Variants in ELF4 observed in about 807,000 individuals in gnomAD.
ELF4 encodes the protein ETS-related transcription factor Elf-4.
ELF4 carries 10 observed loss-of-function variants against 31.7 expected under a neutral mutation model. That is an observed-to-expected ratio of 0.32 (90% CI 0.19 to 0.54). The LOEUF (loss-of-function observed/expected upper bound fraction) is 0.54, where lower values mean the gene tolerates loss of function less well. Ranked by LOEUF, ELF4 falls within the 20% of genes least tolerant of loss-of-function variation. ELF4 has a pLI of 0.95. For synonymous variants in ELF4, 208 were observed against 226.7 expected (o/e 0.92, Z 0.74); for missense variants, 418 against 522.0 (o/e 0.80, Z 1.94).
intron 1 of ELF4, 91 bp from the exon 2 acceptor site, chrX:130,081,630 A>G (rs904997399): frequency 2.7e-6 from 1 of 364,091 alleles, no homozygotes; most frequent in Admixed American, 4.4e-5. Flanking sequence ...GGACCCTGCC[A>G]TGCTAAGGCA....
intron 1 of ELF4, among the ~76,000 whole-genome samples, chrX:130,104,635 G>A (rs2124634582): frequency 8.9e-6 from 1 of 112,203 alleles, no homozygotes; most frequent in South Asian, 3.7e-4. Flanking sequence ...CCTGTGAGAT[G>A]GGCGCTGACT....
chrX:130,101,697 G>A (rs753138985), intron 1 of ELF4, among the ~76,000 whole-genome samples: 1 of 110,512 alleles, frequency 9.0e-6, no homozygotes, highest in Non-Finnish European at 1.9e-5. Context: ...AGGTCGGGAG[G>A]CTGAGGCAGG....
chrX:130,072,280 C>T lies in ELF4; in HGVS notation c.478G>A (p.Glu160Lys). The T allele has an allele frequency of 8.2e-7, 1 of 1,212,329 alleles. No individual in the cohort carries two copies. ...GCACTTTCCTCTCTGGAGGCCTTCTCCTCCAGAGAATGCCCCTCCTGGTCA... is the reference window on the plus strand; with the variant it reads ...GCACTTTCCTCTCTGGAGGCCTTCTTCTCCAGAGAATGCCCCTCCTGGTCA... ...TSDQEGHSLE[E>K]KASREESAKK... The change falls in exon 5 of 9, where the codon GAG becomes AAG. Residue 160 changes from glutamate to lysine, a missense_variant. Transcript: ENST00000308167.
chrX:130,101,731 A>G (rs771882575), intron 1 of ELF4, among the ~76,000 whole-genome samples: 6 of 110,686 alleles, frequency 5.4e-5, no homozygotes, highest in South Asian at 3.8e-4. Context: ...CCCGGGAGGC[A>G]GAGGTTGCAG....
intron 1 of ELF4, among the ~76,000 whole-genome samples, chrX:130,106,665 TG>T (rs1339477414): frequency 1.8e-5 from 2 of 112,096 alleles, no homozygotes. Context: ...CTTTCTCCCC[TG>T]CAGAAGTAGT....
rs1569399898 is a variant in ELF4 at position 130,066,473 on chromosome X, CA to C, written c.*247del. ...CTGGCTCAAGGCTTTTTCCCTCCAT[CA>C]CCAAGTCAGCCCGTTATGCTGCCAA... On this transcript the variant is annotated 3_prime_UTR_variant, in exon 9 of 9. Coordinates refer to ENST00000308167, the MANE Select transcript of ELF4 (RefSeq NM_001421.4). 1.0e-5 allele frequency: 4 copies of C among 385,133 alleles called. No homozygotes were observed. Among genetic ancestry groups the C allele is most frequent in the Non-Finnish European group, 1.8e-5 (4 of 224,187 alleles). 31.7% of individuals were successfully genotyped at this position (385,133 alleles called of 1,213,427 possible).
intron 1 of ELF4, among the ~76,000 whole-genome samples, chrX:130,110,000 C>T (rs1304243199): frequency 8.9e-6 from 1 of 112,537 alleles, no homozygotes. Flanking sequence ...CCTCCTCTGC[C>T]CTCGGGCGCC....
At chrX:130,099,545 G>A (rs1933209711) in intron 1 of ELF4, among the ~76,000 whole-genome samples, 1 of 111,334 alleles carries the variant, frequency 9.0e-6, no homozygotes, top group African/African-American at 3.3e-5. Flanking sequence ...CTGCACTCTA[G>A]CCTGGGTGAC....
At chrX:130,101,841 C>A (rs1378507051) in intron 1 of ELF4, among the ~76,000 whole-genome samples, 1 of 103,664 alleles carries the variant, frequency 9.6e-6, no homozygotes, top group Non-Finnish European at 2.0e-5. Context: ...CAAAACAAAA[C>A]AAAAACAAGG....
chrX:130,069,288 G>C lies in ELF4; in HGVS notation c.1187+12C>G. The stretch of plus-strand genomic sequence containing the variant: ...ACTATGTGAAGACTCATGCTGACCT[G>C]GGTGCCCTTACCTCACAGCTTTGGT... On this transcript the variant is annotated intron_variant, in intron 8 of 8. Transcript: ENST00000308167. 1 of 1,211,568 alleles carries C rather than the reference G, an allele frequency of 8.3e-7. No individual in the cohort carries two copies. Among genetic ancestry groups the C allele is most frequent in the African/African-American group, 1.7e-5 (1 of 57,882 alleles).
At position 130,070,301 on chromosome X, in the gene ELF4, C is replaced by G. The variant is rs1032705531; in HGVS notation, c.810-624G>C. Among the ~76,000 whole-genome samples, 213 of 110,134 alleles carry G rather than the reference C, an allele frequency of 1.9e-3. 2 individuals are homozygous for G. Among genetic ancestry groups the G allele is most frequent in the African/African-American group, 6.6e-3 (200 of 30,297 alleles). On this transcript the variant is annotated intron_variant, in intron 7 of 8. Transcript: ENST00000308167. The stretch of plus-strand genomic sequence containing the variant: ...AAATACAAAAAATGAGGCCAGGCGC[C>G]GTGACTCACGCCTGTAATCCCAGTG...
rs886710842 is a variant in ELF4 at position 130,086,504 on chromosome X, G to C, written c.-209-4965C>G. Among the ~76,000 whole-genome samples, 7 of 112,128 alleles carry C rather than the reference G, an allele frequency of 6.2e-5. No homozygotes were observed. In the Admixed American group the frequency reaches 6.6e-4, roughly 11 times the overall value. On this transcript the variant is annotated intron_variant, in intron 1 of 8. Coordinates refer to ENST00000308167, the MANE Select transcript of ELF4 (RefSeq NM_001421.4). The stretch of plus-strand genomic sequence containing the variant: ...GATGCTTTTTCCTCTTTCTCCAGGG[G>C]ACCCACAGCCCACCCACAGTGTAGA...
chrX:130,098,128 G>A (rs1375151738), intron 1 of ELF4, among the ~76,000 whole-genome samples: 1 of 112,424 alleles, frequency 8.9e-6, no homozygotes, highest in Non-Finnish European at 1.9e-5. Flanking sequence ...GGCAGGCAGG[G>A]GGTGTGGACG....
intron 3 of ELF4, 96 bp from the exon 4 acceptor site, chrX:130,074,237 A>G: frequency 1.1e-6 from 1 of 950,457 alleles, no homozygotes; most frequent in Admixed American, 2.2e-5. Context: ...CGAAGAAAGG[A>G]TGGTGGTAAG....
intron 7 of ELF4, among the ~76,000 whole-genome samples, chrX:130,070,708 G>T (rs1932777510): frequency 1.0e-5 from 1 of 99,126 alleles, no homozygotes; most frequent in Non-Finnish European, 2.0e-5. Context: ...GGCAGTGCAG[G>T]TTGCAGTGAG....
intron 1 of ELF4, among the ~76,000 whole-genome samples, chrX:130,103,337 A>G (rs1235366566): frequency 8.9e-6 from 1 of 112,720 alleles, no homozygotes; most frequent in Non-Finnish European, 1.9e-5. Flanking sequence ...CAACTCAACT[A>G]CAAGAAAACA....
chrX:130,092,697 G>A (rs891354343), intron 1 of ELF4, among the ~76,000 whole-genome samples: 2 of 112,164 alleles, frequency 1.8e-5, no homozygotes, highest in African/African-American at 6.5e-5. Context: ...GACTAGCCCA[G>A]GGTGGCTTCG....
intron 1 of ELF4, among the ~76,000 whole-genome samples, chrX:130,087,511 C>T (rs1216982268): frequency 8.9e-6 from 1 of 112,858 alleles, no homozygotes; most frequent in African/African-American, 3.2e-5. Flanking sequence ...GACGGAGTCT[C>T]ACTCTGTCAC....
chrX:130,078,396 G>A (rs1932853906), intron 2 of ELF4, among the ~76,000 whole-genome samples: 1 of 107,107 alleles, frequency 9.3e-6, no homozygotes, highest in African/African-American at 3.4e-5. Flanking sequence ...GAGAGCAGAA[G>A]GATTGCTTGA....
Sources: allele counts gnomAD v4.1 joint callset (sites outside exome capture counted in the v4.1 genomes callset), GRCh38; gene constraint gnomAD v4.1.1; transcripts MANE v1.5; gene names NCBI Gene and HGNC (gene_info 2026-07-23, HGNC 2026-07-21).